Variants in SCRN1 observed in about 807,000 individuals in gnomAD.
SCRN1 encodes secernin 1.
A neutral mutation model predicts 43.3 loss-of-function variants in SCRN1; 19 were observed. That is an observed-to-expected ratio of 0.44 (90% confidence interval 0.31 to 0.64). The LOEUF (loss-of-function observed/expected upper bound fraction) is 0.64. Ranked by LOEUF, SCRN1 falls within the 30% of genes least tolerant of loss-of-function variation. SCRN1 has a pLI of 0.09. For synonymous variants in SCRN1, 183 were observed against 188.9 expected (o/e 0.97, Z 0.26); for missense variants, 447 against 524.1 (o/e 0.85, Z 1.44).
intron 6 of SCRN1, 56 bp downstream of exon 6, chr7:29,936,500 T>G: frequency 7.0e-7 from 1 of 1,427,940 alleles, no homozygotes; most frequent in South Asian, 1.7e-5. Context: ...ACTTGCTGAA[T>G]GAGCTTTCAA....
intron 4 of SCRN1, among the ~76,000 whole-genome samples, chr7:29,942,046 G>C (rs1194255315): frequency 6.6e-6 from 1 of 152,186 alleles, no homozygotes; most frequent in Non-Finnish European, 1.5e-5. Context: ...AGCATTCCTG[G>C]CTGGTAGGCA....
intron 6 of SCRN1, among the ~76,000 whole-genome samples, chr7:29,927,366 CCACACA>C (rs66661399): frequency 7.9e-6 from 1 of 126,424 alleles, no homozygotes; most frequent in Admixed American, 8.1e-5. Context: ...ACCCACCCAC[CCACACA>C]CACACACACA....
chr7:29,942,178 T>A (rs1859567), intron 4 of SCRN1, among the ~76,000 whole-genome samples: 9,347 of 152,296 alleles, frequency 0.061, 382 homozygotes, highest in African/African-American at 0.11. Context: ...TAAGTTATTT[T>A]AAAAAATACT....
Position 29,976,806 on chromosome 7 carries a change from G to C in SCRN1, c.-1-7738C>G, listed in dbSNP as rs527331842. On this transcript the variant is annotated intron_variant, in intron 1 of 7. Coordinates refer to ENST00000242059, the MANE Select transcript of SCRN1 (RefSeq NM_014766.5). ...TGCTTCCCTGGAGTTTACTGCAAAG[G>C]AGCTGCATGTACCAGCATTCATCCT... Among the ~76,000 whole-genome samples the C allele has an allele frequency of 1.1e-4, 16 of 152,302 alleles. No homozygotes were observed. The South Asian group carries it at 3.3e-3, about 32-fold the overall frequency.
Position 29,924,108 on chromosome 7 carries a change from C to A in SCRN1, c.1094G>T (p.Gly365Val), listed in dbSNP as rs1333541612. 1 of 1,610,398 alleles carries A rather than the reference C, an allele frequency of 6.2e-7. No individual in the cohort carries two copies. Among genetic ancestry groups the A allele is most frequent in the Non-Finnish European group, 8.5e-7 (1 of 1,178,972 alleles). Residue 365 changes from glycine (G) to valine (V), a missense_variant, in exon 8 of 8, where the codon GGT (glycine) becomes GTT (valine). Coordinates refer to ENST00000242059, the MANE Select transcript of SCRN1 (RefSeq NM_014766.5). ...RAIIESDQEQ[G>V]RKLRSTMLEL... ...CAGCATGGTGCTCCTCAGCTTGCGA[C>A]CTTGCTCCTGAGGAAGGACACGACT...
intron 7 of SCRN1, among the ~76,000 whole-genome samples, chr7:29,925,256 G>A (rs1369686699): frequency 1.3e-5 from 2 of 152,208 alleles, no homozygotes; most frequent in Non-Finnish European, 2.9e-5. Context: ...CACTTCTATG[G>A]AAGAGAAGGG....
At position 29,923,736 on chromosome 7, in the gene SCRN1, C is replaced by T. The variant is rs189936048; in HGVS notation, c.*221G>A. The T allele has an allele frequency of 6.8e-5, 33 of 488,410 alleles. No homozygotes were observed. The East Asian group carries it at 1.1e-3, about 16-fold the overall frequency. The allele number at this position is 488,410 out of a possible 1,614,324, so 30.3% of individuals were successfully genotyped here. A position where few individuals can be genotyped will look rare whatever the true frequency, so the allele number is the denominator to read the frequency against. Reference sequence around the variant, plus strand: ...ATTAGTCACACAACCGAACAACAGGCAACGGGATACATGTTACACTGCACA... The same window carrying T: ...ATTAGTCACACAACCGAACAACAGGTAACGGGATACATGTTACACTGCACA... On this transcript the variant is annotated 3_prime_UTR_variant, in exon 8 of 8. Coordinates refer to ENST00000242059, the MANE Select transcript of SCRN1 (RefSeq NM_014766.5).
intron 1 of SCRN1, among the ~76,000 whole-genome samples, chr7:29,986,881 T>C (rs985748733): frequency 2.6e-5 from 4 of 151,856 alleles, no homozygotes; most frequent in African/African-American, 4.8e-5. Flanking sequence ...CGTGCCACCA[T>C]GCCCGGCTAA....
chr7:29,936,321 A>C (rs1288132521), intron 6 of SCRN1, among the ~76,000 whole-genome samples: 1 of 152,234 alleles, frequency 6.6e-6, no homozygotes, highest in East Asian at 1.9e-4. Flanking sequence ...CACCAACCTA[A>C]TAAATTTAAA....
chr7:29,920,365 A>G lies in SCRN1; in HGVS notation c.*3592T>C, dbSNP rs1583639008. On this transcript the variant is annotated 3_prime_UTR_variant, in exon 8 of 8. Coordinates refer to ENST00000242059, the MANE Select transcript of SCRN1 (RefSeq NM_014766.5). ...CATGTACATATTGGTTCCCACGAGA[A>G]ATCTGCAGGTGACATTTCGGGATGT... is the stretch of plus-strand genomic sequence containing the variant. 6.6e-6 allele frequency: 1 copy of G among 152,220 alleles called. No homozygotes were observed. Among genetic ancestry groups the G allele is most frequent in the Admixed American group, 6.5e-5 (1 of 15,278 alleles). The allele number at this position is 152,220 out of a possible 1,614,324, so 9.4% of individuals were successfully genotyped here.
At chr7:29,967,391 CT>C (rs372901964) in intron 2 of SCRN1, among the ~76,000 whole-genome samples, 3,746 of 137,302 alleles carry the variant, frequency 0.027, 45 homozygotes, top group East Asian at 0.051. Flanking sequence ...TTCATGTATA[CT>C]TTTTTTTTTT....
chr7:29,928,914 T>C (rs1787067249), intron 6 of SCRN1, among the ~76,000 whole-genome samples: 1 of 152,212 alleles, frequency 6.6e-6, no homozygotes, highest in African/African-American at 2.4e-5. Context: ...GGTGAGTCAG[T>C]TGATTCTGCA....
chr7:29,976,645 T>C lies in SCRN1; in HGVS notation c.-1-7577A>G, dbSNP rs115553613. On this transcript the variant is annotated intron_variant, in intron 1 of 7. Transcript: ENST00000242059. ...AGCCACATGTGGCCAGAGGCTACCA[T>C]ATTAGACCATCCAGCTTTAGCTACT... 7.2e-3 allele frequency among the ~76,000 whole-genome samples: 1,099 copies of C among 152,358 alleles called. 17 individuals are homozygous for C. The highest frequency in any genetic ancestry group is 0.026 in the African/African-American group (1,061 of 41,574).
In SCRN1 at chr7:29,969,226, G is replaced by A. The variant is rs998739790; in HGVS notation, c.-1-158C>T. The A allele has an allele frequency of 7.7e-6, 6 of 775,684 alleles. No individual in the cohort carries two copies. In the African/African-American group the frequency reaches 8.8e-5, roughly 11 times the overall value. The allele number at this position is 775,684 out of a possible 1,614,324, so 48.1% of individuals were successfully genotyped here. On this transcript the variant is annotated intron_variant, in intron 1 of 7. Coordinates refer to ENST00000242059, the MANE Select transcript of SCRN1 (RefSeq NM_014766.5). ...CCCAGCTGGCAAATGAAGGTGGGAC[G>A]CCTGCAGTGGAATGACAGAGCCACC... is the stretch of plus-strand genomic sequence containing the variant.
At chr7:29,958,411 C>T (rs1271507073) in intron 2 of SCRN1, among the ~76,000 whole-genome samples, 1 of 152,200 alleles carries the variant, frequency 6.6e-6, no homozygotes, top group Non-Finnish European at 1.5e-5. Flanking sequence ...AGAACATGAA[C>T]TCCACAGCCA....
At chr7:29,926,176 C>T (rs889128914) in intron 7 of SCRN1, among the ~76,000 whole-genome samples, 1 of 152,184 alleles carries the variant, frequency 6.6e-6, no homozygotes, top group Non-Finnish European at 1.5e-5. Flanking sequence ...ATTATTCCTA[C>T]GTAAACAGTA....
chr7:29,979,319 C>T (rs765461574), intron 1 of SCRN1, among the ~76,000 whole-genome samples: 1 of 152,026 alleles, frequency 6.6e-6, no homozygotes, highest in African/African-American at 2.4e-5. Context: ...GCCGAGATCA[C>T]GCCACTGCAC....
chr7:29,940,318 A>G (rs1787495634), intron 5 of SCRN1, among the ~76,000 whole-genome samples: 1 of 152,148 alleles, frequency 6.6e-6, no homozygotes, highest in Non-Finnish European at 1.5e-5. Context: ...AAGAGACAAC[A>G]CCTCTGCCCT....
At chr7:29,929,170 T>C (rs1787074907) in intron 6 of SCRN1, among the ~76,000 whole-genome samples, 1 of 152,196 alleles carries the variant, frequency 6.6e-6, no homozygotes, top group South Asian at 2.1e-4. Flanking sequence ...AACCCTTCAG[T>C]GGTAGACAGG....
Sources: gnomAD v4.1 joint callset for allele counts (sites outside exome capture counted in the v4.1 genomes callset) on GRCh38, gnomAD v4.1.1 for gene constraint, MANE v1.5 for transcripts, NCBI Gene and HGNC (gene_info 2026-07-23, HGNC 2026-07-21) for gene names.